KMT2C: variants seen among roughly 807,000 people sequenced by gnomAD.
KMT2C encodes the protein lysine methyltransferase 2C, also known as histone-lysine N-methyltransferase 2C.
A neutral mutation model predicts 507.9 loss-of-function variants in KMT2C; 88 were observed. That is an observed-to-expected ratio of 0.17 (90% CI 0.15 to 0.21). The LOEUF is 0.21. Among genes scored for constraint, KMT2C ranks in the 10% least tolerant of loss-of-function variants. The pLI, the probability that KMT2C is intolerant of heterozygous loss-of-function variation, is 1.00. For missense variants in KMT2C, 4,954 were observed against 5,957.8 expected (o/e 0.83, Z 5.55); for synonymous variants, 2,049 against 2,080.8 (o/e 0.98, Z 0.42).
At chr7:152,151,387 A>C (rs2091611036) in intron 50 of KMT2C, 55 bp downstream of exon 50, 1 of 1,589,026 alleles carries the variant, frequency 6.3e-7, no homozygotes, top group African/African-American at 1.3e-5. Context: ...AGACACTGCC[A>C]AGGACATTTT....
At chr7:152,300,784 G>A (rs1437523418) in intron 6 of KMT2C, among the ~76,000 whole-genome samples, 1 of 152,132 alleles carries the variant, frequency 6.6e-6, no homozygotes, top group African/African-American at 2.4e-5. Flanking sequence ...AGCTGGCCGG[G>A]CACAGTGGCT....
At chr7:152,425,958 A>G (rs1427532884) in intron 1 of KMT2C, among the ~76,000 whole-genome samples, 2 of 152,180 alleles carry the variant, frequency 1.3e-5, no homozygotes, top group Non-Finnish European at 2.9e-5. Context: ...TAGCCAGTAG[A>G]GTTATAATAT....
intron 6 of KMT2C, among the ~76,000 whole-genome samples, chr7:152,293,833 G>A (rs1173184814): frequency 3.3e-5 from 5 of 152,152 alleles, no homozygotes; most frequent in Middle Eastern, 3.4e-3. Context: ...TCAAGGTGAC[G>A]GGAAATAAAC....
chr7:152,367,258 G>A lies in KMT2C; in HGVS notation c.162-8583C>T. On this transcript the variant is annotated intron_variant, in intron 1 of 58. Coordinates refer to ENST00000262189, the MANE Select transcript of KMT2C (RefSeq NM_170606.3). ...TGACAGCACGGTCATCAGAGAAGAA[G>A]GAACCAACATTCAAAGCAGCTGCCA... 7 of 1,365,062 alleles carry A rather than the reference G, an allele frequency of 5.1e-6. No individual in the cohort carries two copies. In the South Asian group the frequency reaches 7.5e-5, roughly 15 times the overall value. The allele number at this position is 1,365,062 out of a possible 1,614,324, so 84.6% of individuals were successfully genotyped here. A position where few individuals can be genotyped will look rare whatever the true frequency, so the allele number is the denominator to read the frequency against.
intron 1 of KMT2C, among the ~76,000 whole-genome samples, chr7:152,412,002 T>A (rs2097689378): frequency 6.6e-6 from 1 of 152,272 alleles, no homozygotes; most frequent in African/African-American, 2.4e-5. Context: ...TAAATAGATC[T>A]TCAATGTGTA....
At chr7:152,387,627 T>C (rs2097443397) in intron 1 of KMT2C, among the ~76,000 whole-genome samples, 1 of 152,166 alleles carries the variant, frequency 6.6e-6, no homozygotes, top group Admixed American at 6.5e-5. Flanking sequence ...CCCACCACCA[T>C]ACCCGGCTAA....
In KMT2C at chr7:152,308,580, C is replaced by T. The variant is rs186258069; in HGVS notation, c.849+1386G>A. 4.5e-4 allele frequency among the ~76,000 whole-genome samples: 65 copies of T among 145,978 alleles called. 1 individual carries two copies. Among genetic ancestry groups the T allele is most frequent in the East Asian group, 2.5e-3 (12 of 4,708 alleles). On this transcript the variant is annotated intron_variant, in intron 6 of 58. Transcript: ENST00000262189. ...ATCCAATCTACTCAGGAGGCTGAGG[C>T]GGCAGAATCACTTGAACCCAGGAAG...
rs2129119471 is a variant in KMT2C, at chr7:152,180,988, G to A, written c.6872C>T (p.Ser2291Phe). ...ATAGGGATCACGGGCAGCAGATGGG[G>A]AAACACGGCTAAATGTGTCTGAAAG... Reference protein sequence around the residue: ...PGLSDTFSRVSPSAARDPYDQ... With the variant: ...PGLSDTFSRVFPSAARDPYDQ... The change falls in exon 36 of 59, where the codon TCC becomes TTC. Residue 2291 changes from serine to phenylalanine, a missense_variant. This residue lies in a region of KMT2C where 1,689 missense variants were observed against 1,654.3 expected (regional missense o/e 1.02). Coordinates refer to ENST00000262189, the MANE Select transcript of KMT2C (RefSeq NM_170606.3). 5.6e-6 allele frequency: 9 copies of A among 1,614,190 alleles called. No individual in the cohort carries two copies. The highest frequency in any genetic ancestry group is 7.6e-6 in the Non-Finnish European group (9 of 1,180,022).
At chr7:152,174,051 CTGTA>C (rs1341059501) in intron 39 of KMT2C, 76 bp downstream of exon 39, 2 of 759,456 alleles carry the variant, frequency 2.6e-6, no homozygotes, top group African/African-American at 3.6e-5. Flanking sequence ...TTTCCATTTT[CTGTA>C]TGTTTTTTCT....
chr7:152,261,254 A>T (rs1242524360), intron 9 of KMT2C, among the ~76,000 whole-genome samples: 12 of 152,272 alleles, frequency 7.9e-5, no homozygotes, highest in African/African-American at 2.4e-4. Flanking sequence ...CACATTACAT[A>T]GAATAAAGAA....
Position 152,251,935 on chromosome 7 carries a change from T to G in KMT2C, c.1621+4A>C. ...ATTTAAAAAAAAATCATTCTCAAAT[T>G]TACCTGTAGTGAGCTCAGCTATCTC... On this transcript the variant is annotated splice_donor_region_variant and intron_variant, in intron 11 of 58. Transcript: ENST00000262189. 1 of 1,562,674 alleles carries G rather than the reference T, an allele frequency of 6.4e-7. No homozygotes were observed. The highest frequency in any genetic ancestry group is 8.6e-7 in the Non-Finnish European group (1 of 1,157,846).
chr7:152,212,418 G>A (rs2094475167), intron 23 of KMT2C, among the ~76,000 whole-genome samples: 3 of 152,174 alleles, frequency 2.0e-5, no homozygotes, highest in African/African-American at 7.2e-5. Flanking sequence ...GTCCTAGCCA[G>A]AGCAATCACA....
intron 3 of KMT2C, among the ~76,000 whole-genome samples, chr7:152,318,623 T>A: frequency 1.1e-5 from 1 of 93,808 alleles, no homozygotes; most frequent in African/African-American, 4.8e-5. Context: ...CAAGACTCCA[T>A]CTCAAAAAAA....
At chr7:152,334,323 G>A (rs1025774037) in intron 2 of KMT2C, among the ~76,000 whole-genome samples, 1 of 152,130 alleles carries the variant, frequency 6.6e-6, no homozygotes, top group African/African-American at 2.4e-5. Context: ...GAGGTGGTGC[G>A]TGCCTGTAAT....
chr7:152,309,595 G>C (rs957863853), intron 6 of KMT2C, among the ~76,000 whole-genome samples: 1 of 146,406 alleles, frequency 6.8e-6, no homozygotes, highest in Non-Finnish European at 1.5e-5. Context: ...TCTTGGCTAC[G>C]GGCAACCTCC....
rs1420162027 is a variant in KMT2C, at chr7:152,233,877, G to C, written c.2769+1940C>G. 4.6e-5 allele frequency among the ~76,000 whole-genome samples: 7 copies of C among 152,178 alleles called. 1 individual carries two copies. Among genetic ancestry groups the C allele is most frequent in the Admixed American group, 3.9e-4 (6 of 15,278 alleles). ...ACTGTCCCACAGGCTGGGCACTGGT[G>C]GCTCATCCCGTAATCCCAGCACTTT... On this transcript the variant is annotated intron_variant, in intron 16 of 58. Transcript: ENST00000262189.
intron 23 of KMT2C, among the ~76,000 whole-genome samples, chr7:152,213,338 A>G (rs991369799): frequency 1.3e-5 from 2 of 152,380 alleles, no homozygotes; most frequent in South Asian, 2.1e-4. Flanking sequence ...ATAGTTAACA[A>G]AACAGTATGG....
In KMT2C at chr7:152,182,485, T is replaced by C. The variant is rs755216963; in HGVS notation, c.5375A>G (p.His1792Arg). 5.4e-5 allele frequency: 87 copies of C among 1,613,986 alleles called. No homozygotes were observed. The highest frequency in any genetic ancestry group is 7.3e-5 in the Non-Finnish European group (86 of 1,179,982). Residue 1792 changes from histidine to arginine, a missense_variant, in exon 36 of 59, where the codon CAT (histidine) becomes CGT (arginine). Around this residue, in one of 29 missense-constraint regions of KMT2C, gnomAD observed 1,689 missense variants for 1,654.3 expected, o/e 1.02. Coordinates refer to ENST00000262189, the MANE Select transcript of KMT2C (RefSeq NM_170606.3). Reference protein sequence around the residue: ...QQQQQQFGSQHLLVQSGSDTP... With the variant: ...QQQQQQFGSQRLLVQSGSDTP... The stretch of plus-strand genomic sequence containing the variant: ...ATCTGAACCAGACTGCACCAGAAGA[T>C]GCTGAGAACCAAATTGCTGTTGTTG...
chr7:152,249,756 C>A, intron 13 of KMT2C, 120 bp downstream of exon 13: 1 of 223,066 alleles, frequency 4.5e-6, no homozygotes. Flanking sequence ...TCCAGAATCT[C>A]TTAACTAAAA....
Sources: gnomAD v4.1 joint callset for allele counts (sites outside exome capture counted in the v4.1 genomes callset) on GRCh38, gnomAD v4.1.1 for gene constraint, gnomAD v4.1.1 regional missense constraint, MANE v1.5 for transcripts, NCBI Gene and HGNC (gene_info 2026-07-23, HGNC 2026-07-21) for gene names.